Variants in FMNL2 observed in about 807,000 individuals in gnomAD.
FMNL2 encodes formin like 2, also known as formin-like protein 2.
A neutral mutation model predicts 130.2 loss-of-function variants in FMNL2; 51 were observed. That is an observed-to-expected ratio of 0.39 (90% CI 0.31 to 0.49). The LOEUF (loss-of-function observed/expected upper bound fraction) is 0.49. Among genes scored for constraint, FMNL2 ranks in the 20% least tolerant of loss-of-function variants. The pLI, the probability that FMNL2 is intolerant of heterozygous loss-of-function variation, is 0.85. For synonymous variants in FMNL2, 465 were observed against 467.1 expected (o/e 1.00, Z 0.06); for missense variants, 977 against 1,316.2 (o/e 0.74, Z 3.99).
chr2:152,457,822 G>T (rs974064679), intron 1 of FMNL2, among the ~76,000 whole-genome samples: 59 of 152,162 alleles, frequency 3.9e-4, no homozygotes, highest in Non-Finnish European at 1.3e-4. Context: ...CTGTTTCCTG[G>T]CTATTTCCAG....
intron 1 of FMNL2, among the ~76,000 whole-genome samples, chr2:152,351,944 G>T (rs1682511109): frequency 6.6e-6 from 1 of 152,144 alleles, no homozygotes; most frequent in South Asian, 2.1e-4. Flanking sequence ...TTTCTCTAAT[G>T]ACTAGTGATG....
chr2:152,544,566 C>T (rs182976348), intron 3 of FMNL2, among the ~76,000 whole-genome samples: 37 of 152,268 alleles, frequency 2.4e-4, no homozygotes, highest in Non-Finnish European at 5.0e-4. Flanking sequence ...AAACTTGTAA[C>T]CTTCAGGCTA....
intron 1 of FMNL2, chr2:152,390,440 G>A: frequency 8.0e-7 from 1 of 1,253,000 alleles, no homozygotes; most frequent in Non-Finnish European, 1.2e-6. Flanking sequence ...TCAATACCAA[G>A]ATGATTAACC....
At chr2:152,432,235 A>C (rs1687534296) in intron 1 of FMNL2, among the ~76,000 whole-genome samples, 1 of 151,836 alleles carries the variant, frequency 6.6e-6, no homozygotes, top group Non-Finnish European at 1.5e-5. Flanking sequence ...TAACAGTCTC[A>C]GATGATTCTG....
At chr2:152,440,458 G>C (rs1242165379) in intron 1 of FMNL2, among the ~76,000 whole-genome samples, 1 of 152,182 alleles carries the variant, frequency 6.6e-6, no homozygotes, top group African/African-American at 2.4e-5. Context: ...TGCTGATAAG[G>C]ACAAGGGAAA....
At chr2:152,336,437 C>A (rs1263974807) in intron 1 of FMNL2, among the ~76,000 whole-genome samples, 6 of 152,198 alleles carry the variant, frequency 3.9e-5, no homozygotes, top group Non-Finnish European at 2.9e-5. Context: ...GGACGTGTTG[C>A]GAGCTGTCCT....
intron 1 of FMNL2, among the ~76,000 whole-genome samples, chr2:152,458,174 C>T (rs1290292860): frequency 6.6e-6 from 1 of 152,172 alleles, no homozygotes; most frequent in Non-Finnish European, 1.5e-5. Context: ...TTCTGTAGTG[C>T]CTGTGGCTCT....
intron 1 of FMNL2, among the ~76,000 whole-genome samples, chr2:152,445,023 C>T (rs1688261818): frequency 6.6e-6 from 1 of 152,236 alleles, no homozygotes; most frequent in Admixed American, 6.5e-5. Flanking sequence ...GCTGTTGGCA[C>T]TGTGGTTTTC....
intron 1 of FMNL2, among the ~76,000 whole-genome samples, chr2:152,404,601 T>G (rs774052332): frequency 6.6e-6 from 1 of 152,142 alleles, no homozygotes; most frequent in Non-Finnish European, 1.5e-5. Flanking sequence ...AGAAGGATTA[T>G]GTTTAGATTA....
chr2:152,381,673 C>A (rs562459096), intron 1 of FMNL2, among the ~76,000 whole-genome samples: 5 of 152,304 alleles, frequency 3.3e-5, no homozygotes, highest in African/African-American at 1.2e-4. Flanking sequence ...TTCCTGTGAA[C>A]TTCCTGCCTG....
At chr2:152,641,979 T>G (rs541718332) in intron 25 of FMNL2, among the ~76,000 whole-genome samples, 1 of 151,572 alleles carries the variant, frequency 6.6e-6, no homozygotes, top group African/African-American at 2.4e-5. Context: ...CTCATTCTGT[T>G]GCCCAGGCTG....
rs70974875 is a variant in FMNL2 at position 152,606,629 on chromosome 2, CTTTTT to C, written c.877-691_877-687del. Among the ~76,000 whole-genome samples the C allele has an allele frequency of 1.1e-3, 113 of 105,462 alleles. 1 individual carries two copies. The highest frequency in any genetic ancestry group is 2.1e-3 in the African/African-American group (59 of 28,482). 69.2% of individuals were successfully genotyped at this position (105,462 alleles called of 152,430 possible). On this transcript the variant is annotated intron_variant, in intron 9 of 25. Transcript: ENST00000288670. Reference sequence around the variant, plus strand: ...CATTTGATAGAAATCTTTTTTGACTCTTTTTTTTTTTTTTTTTTTTTTTAGCTCCA... The same window carrying C: ...CATTTGATAGAAATCTTTTTTGACTCTTTTTTTTTTTTTTTTTTAGCTCCA...
chr2:152,589,940 C>CATACATAT (rs1697295819), intron 9 of FMNL2, among the ~76,000 whole-genome samples: 10 of 67,020 alleles, frequency 1.5e-4, no homozygotes, highest in South Asian at 5.2e-4. Context: ...TGGCTTTATA[C>CATACATAT]ATATATATAT....
intron 9 of FMNL2, among the ~76,000 whole-genome samples, chr2:152,599,903 G>A (rs1432037821): frequency 1.3e-5 from 2 of 152,172 alleles, no homozygotes; most frequent in Admixed American, 6.5e-5. Context: ...CAGCAGGTTG[G>A]AGTGATCTGC....
Position 152,548,578 on chromosome 2 carries a change from C to T in FMNL2, c.283-443C>T, listed in dbSNP as rs1248227095. On this transcript the variant is annotated intron_variant, in intron 3 of 25. Coordinates refer to ENST00000288670, the MANE Select transcript of FMNL2 (RefSeq NM_052905.4). ...GGGAGAGGACTCCTGGAAGATTGCACCTGGTTTCCTGCACGTTTTATCCTA... is the reference window on the plus strand; with the variant it reads ...GGGAGAGGACTCCTGGAAGATTGCATCTGGTTTCCTGCACGTTTTATCCTA... Among the ~76,000 whole-genome samples the T allele has an allele frequency of 2.6e-5, 4 of 152,124 alleles. No homozygotes were observed. The East Asian group carries it at 7.7e-4, about 29-fold the overall frequency.
chr2:152,401,293 C>A, intron 1 of FMNL2, among the ~76,000 whole-genome samples: 2 of 152,150 alleles, frequency 1.3e-5, no homozygotes, highest in African/African-American at 4.8e-5. Context: ...TGTGTCCTGT[C>A]AAAGAAAATA....
intron 1 of FMNL2, among the ~76,000 whole-genome samples, chr2:152,442,061 G>C (rs1168953378): frequency 6.6e-6 from 1 of 151,866 alleles, no homozygotes; most frequent in Non-Finnish European, 1.5e-5. Context: ...TGGTTGGTGA[G>C]GGGGGCCAGG....
chr2:152,559,892 C>T (rs72868286), intron 5 of FMNL2, among the ~76,000 whole-genome samples: 151 of 152,316 alleles, frequency 9.9e-4, no homozygotes, highest in Non-Finnish European at 1.9e-3. Flanking sequence ...CAGTTGCCTC[C>T]ATGGACTTTG....
rs191074795 is a variant in FMNL2, at chr2:152,338,217, T to C, written c.117+2497T>C. ...GGCATTATTGATACCAGTTCAACTT[T>C]CTTGTATAATAAAGATCATACGGGT... On this transcript the variant is annotated intron_variant, in intron 1 of 25. Transcript: ENST00000288670. 8.1e-4 allele frequency among the ~76,000 whole-genome samples: 123 copies of C among 152,308 alleles called. No individual in the cohort carries two copies. The East Asian group carries it at 0.015, about 19-fold the overall frequency.
Sources: allele counts gnomAD v4.1 joint callset (sites outside exome capture counted in the v4.1 genomes callset), GRCh38; gene constraint gnomAD v4.1.1; transcripts MANE v1.5; gene names NCBI Gene and HGNC (gene_info 2026-07-23, HGNC 2026-07-21).